The following TFAM variants were observed in gnomAD, a reference collection of about 807,000 sequenced individuals.
TFAM encodes the protein transcription factor A, mitochondrial.
A neutral mutation model predicts 30.6 loss-of-function variants in TFAM; 13 were observed. The observed-to-expected ratio is 0.42, with a 90% confidence interval of 0.28 to 0.67. The LOEUF (loss-of-function observed/expected upper bound fraction) is 0.67, where lower values mean the gene tolerates loss of function less well. Ranked by LOEUF, TFAM falls within the 30% of genes least tolerant of loss-of-function variation. The pLI, the probability that TFAM is intolerant of heterozygous loss-of-function variation, is 0.21. For synonymous variants in TFAM, 106 were observed against 94.8 expected (o/e 1.12, Z -0.69); for missense variants, 231 against 293.7 (o/e 0.79, Z 1.56).
intron 4 of TFAM, among the ~76,000 whole-genome samples, chr10:58,389,553 C>T (rs1840553200): frequency 6.6e-6 from 1 of 152,174 alleles, no homozygotes; most frequent in South Asian, 2.1e-4. Flanking sequence ...ACGTCTTTCC[C>T]TGACCCTAAT....
chr10:58,387,989 T>C (rs1840521800), intron 2 of TFAM, among the ~76,000 whole-genome samples: 1 of 152,076 alleles, frequency 6.6e-6, no homozygotes, highest in Non-Finnish European at 1.5e-5. Flanking sequence ...TGGTGGTATA[T>C]GGTATACTCC....
chr10:58,388,655 G>GT lies in TFAM; in HGVS notation c.292-9dup, dbSNP rs34084383. Reference sequence around the variant, plus strand: ...AGCAATGGTTTGTTGACTTACTTGGGTTTTTTATTTATAGATATATCAAGA... The same window carrying GT: ...AGCAATGGTTTGTTGACTTACTTGGGTTTTTTTATTTATAGATATATCAAGA... On this transcript the variant is annotated splice_polypyrimidine_tract_variant and intron_variant, in intron 3 of 6. Transcript: ENST00000487519. 248,968 of 1,612,256 alleles carry GT rather than the reference G, an allele frequency of 0.15. 20,152 individuals are homozygous for GT. Among genetic ancestry groups the GT allele is most frequent in the Non-Finnish European group, 0.17 (196,361 of 1,179,280 alleles).
In TFAM at chr10:58,388,654, G is replaced by GT; in HGVS notation, c.292-16_292-15insT. The GT allele has an allele frequency of 2.5e-6, 4 of 1,608,656 alleles. No individual in the cohort carries two copies. The highest frequency in any genetic ancestry group is 3.4e-6 in the Non-Finnish European group (4 of 1,177,752). Reference sequence around the variant, plus strand: ...CAGCAATGGTTTGTTGACTTACTTGGGTTTTTTATTTATAGATATATCAAG... The same window carrying GT: ...CAGCAATGGTTTGTTGACTTACTTGGTGTTTTTTATTTATAGATATATCAAG... On this transcript the variant is annotated splice_polypyrimidine_tract_variant and intron_variant, in intron 3 of 6. Transcript: ENST00000487519.
rs758649930 is a variant in TFAM, at chr10:58,385,584, G to T, written c.37G>T (p.Ala13Ser). 2 of 1,571,118 alleles carry T rather than the reference G, an allele frequency of 1.3e-6. No individual in the cohort carries two copies. The highest frequency in any genetic ancestry group is 1.7e-6 in the Non-Finnish European group (2 of 1,157,652). Residue 13 changes from alanine to serine, a missense_variant, in exon 1 of 7, where the codon GCC (alanine) becomes TCC (serine). Transcript: ENST00000487519. ...CCGAAGCATGTGGGGCGTGCTGAGT[G>T]CCCTGGGAAGGTCTGGAGCAGAGCT... ...FLRSMWGVLS[A>S]LGRSGAELCT... is the part of the protein sequence containing the mutation.
At chr10:58,390,334 C>T (rs1840568335) in intron 4 of TFAM, among the ~76,000 whole-genome samples, 1 of 152,152 alleles carries the variant, frequency 6.6e-6, no homozygotes, top group Non-Finnish European at 1.5e-5. Flanking sequence ...AAGGTGGAGA[C>T]ATTCAGGGAA....
chr10:58,388,368 T>C, intron 3 of TFAM, 108 bp downstream of exon 3: 1 of 958,580 alleles, frequency 1.0e-6, no homozygotes, highest in Non-Finnish European at 1.7e-6. Context: ...AAATAATCTG[T>C]TATCTACAAA....
chr10:58,395,033 A>G lies in TFAM; in HGVS notation c.700A>G (p.Thr234Ala), dbSNP rs760185478. The change falls in exon 7 of 7, where the codon ACA becomes GCA. Residue 234 changes from threonine to alanine, a missense_variant. Thr to Ala is a moderately conservative substitution (Grantham distance 58). Coordinates refer to ENST00000487519, the MANE Select transcript of TFAM (RefSeq NM_003201.3). Reference sequence around the variant, plus strand: ...TGGACGAAAGGATCTTCTACGTCGCACAATAAAGAAACAACGAAAATATGG... The same window carrying G: ...TGGACGAAAGGATCTTCTACGTCGCGCAATAAAGAAACAACGAAAATATGG... ...EVGRKDLLRR[T>A]IKKQRKYGAE... 22 of 1,613,656 alleles carry G rather than the reference A, an allele frequency of 1.4e-5. No homozygotes were observed. The highest frequency in any genetic ancestry group is 1.7e-5 in the Admixed American group (1 of 60,000).
intron 4 of TFAM, among the ~76,000 whole-genome samples, chr10:58,390,089 T>C (rs1439599570): frequency 6.6e-6 from 1 of 152,198 alleles, no homozygotes; most frequent in Non-Finnish European, 1.5e-5. Context: ...CTTACAGTTA[T>C]GAATAAAAGT....
In TFAM at chr10:58,395,771, C is replaced by T. The variant is rs1183618987; in HGVS notation, c.*697C>T. 3.4e-6 allele frequency: 1 copy of T among 298,136 alleles called. No individual in the cohort carries two copies. The highest frequency in any genetic ancestry group is 6.1e-6 in the Non-Finnish European group (1 of 163,354). 18.5% of individuals were successfully genotyped at this position (298,136 alleles called of 1,614,324 possible). A position where few individuals can be genotyped will look rare whatever the true frequency, so the allele number is the denominator to read the frequency against. On this transcript the variant is annotated 3_prime_UTR_variant, in exon 7 of 7. Coordinates refer to ENST00000487519, the MANE Select transcript of TFAM (RefSeq NM_003201.3). ...TTCCTAAATATATTTTAAGACGAAA[C>T]ATTTGTTCTATAGCTTTTCCCTTTT...
intron 6 of TFAM, among the ~76,000 whole-genome samples, 169 bp from the exon 7 acceptor site, chr10:58,394,759 C>T (rs1247005467): frequency 6.6e-6 from 1 of 152,144 alleles, no homozygotes; most frequent in Non-Finnish European, 1.5e-5. Flanking sequence ...CATCATCTAA[C>T]TTTTATCTCA....
chr10:58,395,317 T>C lies in TFAM; in HGVS notation c.*243T>C. ...TGAGGATCAGAGTAATCCAAGCAAATGTGAATCATTTTACCTTTGACAAAG... is the reference window on the plus strand; with the variant it reads ...TGAGGATCAGAGTAATCCAAGCAAACGTGAATCATTTTACCTTTGACAAAG... On this transcript the variant is annotated 3_prime_UTR_variant, in exon 7 of 7. Transcript: ENST00000487519. 1 of 476,956 alleles carries C rather than the reference T, an allele frequency of 2.1e-6. No individual in the cohort carries two copies. Among genetic ancestry groups the C allele is most frequent in the South Asian group, 2.3e-5 (1 of 42,956 alleles). 29.5% of individuals were successfully genotyped at this position (476,956 alleles called of 1,614,324 possible).
At position 58,388,209 on chromosome 10, in the gene TFAM, A is replaced by C. The variant is rs1840526713; in HGVS notation, c.240A>C (p.Leu80=). The C allele has an allele frequency of 6.2e-7, 1 of 1,613,958 alleles. No individual in the cohort carries two copies. Among genetic ancestry groups the C allele is most frequent in the Non-Finnish European group, 8.5e-7 (1 of 1,179,922 alleles). ...AQNPDAKTTE[L]IRRIAQRWRE... is the part of the protein sequence containing the mutation. ...CCATAGATGCAAAAACTACAGAACT[A>C]ATTAGAAGAATTGCCCAGCGTTGGA... Residue 80 remains leucine, a synonymous_variant, in exon 3 of 7, where the codon CTA becomes CTC. Coordinates refer to ENST00000487519, the MANE Select transcript of TFAM (RefSeq NM_003201.3).
intron 5 of TFAM, among the ~76,000 whole-genome samples, chr10:58,394,033 T>G (rs1390252590): frequency 6.6e-6 from 1 of 152,218 alleles, no homozygotes; most frequent in East Asian, 1.9e-4. Flanking sequence ...TTGTTCTTAT[T>G]ACTGCATCTA....
rs920996525 is a variant in TFAM at position 58,396,679 on chromosome 10, T to C, written c.*1605T>C. 8 of 152,226 alleles carry C rather than the reference T, an allele frequency of 5.3e-5. No homozygotes were observed. Among genetic ancestry groups the C allele is most frequent in the African/African-American group, 1.4e-4 (6 of 41,452 alleles). 9.4% of individuals were successfully genotyped at this position (152,226 alleles called of 1,614,324 possible). Reference sequence around the variant, plus strand: ...AATAATTCTCATCAGTTCACAGATATAGGATAACTCAATTTATATGCACTT... The same window carrying C: ...AATAATTCTCATCAGTTCACAGATACAGGATAACTCAATTTATATGCACTT... On this transcript the variant is annotated 3_prime_UTR_variant, in exon 7 of 7. Transcript: ENST00000487519.
intron 2 of TFAM, chr10:58,386,659 T>A: frequency 2.6e-6 from 3 of 1,154,504 alleles, no homozygotes; most frequent in Non-Finnish European, 3.2e-6. Flanking sequence ...GCTCCTCCTT[T>A]TTCTGGCTCA....
intron 5 of TFAM, among the ~76,000 whole-genome samples, chr10:58,391,482 A>G (rs16912197): frequency 0.037 from 5,584 of 152,080 alleles, 373 homozygotes; most frequent in East Asian, 0.31. Flanking sequence ...AGTTTTTGGC[A>G]CTCTGCCTAC....
chr10:58,386,734 G>T, intron 2 of TFAM: 1 of 1,056,294 alleles, frequency 9.5e-7, no homozygotes, highest in Non-Finnish European at 1.2e-6. Context: ...CTGTAGAACT[G>T]TAAAGTTCTA....
At position 58,395,017 on chromosome 10, in the gene TFAM, G is replaced by C; in HGVS notation, c.684G>C (p.Lys228Asn). 6.2e-7 allele frequency: 1 copy of C among 1,613,786 alleles called. No individual in the cohort carries two copies. The highest frequency in any genetic ancestry group is 8.5e-7 in the Non-Finnish European group (1 of 1,179,798). ...AACAAATGATTGAAGTTGGACGAAA[G>C]GATCTTCTACGTCGCACAATAAAGA... is the stretch of plus-strand genomic sequence containing the variant. ...WEEQMIEVGR[K>N]DLLRRTIKKQ... The change falls in exon 7 of 7, where the codon AAG (lysine) becomes AAC (asparagine). Residue 228 changes from lysine to asparagine, a missense_variant. Lys to Asn is a moderately conservative substitution (Grantham distance 94). Coordinates refer to ENST00000487519, the MANE Select transcript of TFAM (RefSeq NM_003201.3).
Position 58,396,826 on chromosome 10 carries a change from G to A in TFAM, c.*1752G>A, listed in dbSNP as rs1840691041. 6.6e-6 allele frequency: 1 copy of A among 152,188 alleles called. No individual in the cohort carries two copies. The allele number at this position is 152,188 out of a possible 1,614,324, so 9.4% of individuals were successfully genotyped here. A position where few individuals can be genotyped will look rare whatever the true frequency, so the allele number is the denominator to read the frequency against. ...GAGCTTGACAAAGGTAGGAATGGGA[G>A]AGAAAAATAGTAGCTTATGAGGAAA... On this transcript the variant is annotated 3_prime_UTR_variant, in exon 7 of 7. Coordinates refer to ENST00000487519, the MANE Select transcript of TFAM (RefSeq NM_003201.3).
Sources: gnomAD v4.1 joint callset for allele counts (sites outside exome capture counted in the v4.1 genomes callset) on GRCh38, gnomAD v4.1.1 for gene constraint, MANE v1.5 for transcripts, NCBI Gene and HGNC (gene_info 2026-07-23, HGNC 2026-07-21) for gene names.